The following ESS2 variants were observed in gnomAD, a reference collection of about 807,000 sequenced individuals.
ESS2 encodes the protein ess-2 spliceosome associated protein, also known as splicing factor ESS-2 homolog.
In ESS2, 31 loss-of-function variants were observed where a neutral mutation model predicts 52.0. The ratio of observed to expected loss-of-function variants is 0.60; its 90% CI spans 0.45 to 0.81. The LOEUF (loss-of-function observed/expected upper bound fraction) is 0.81, where lower values mean the gene tolerates loss of function less well. Ranked by LOEUF, ESS2 falls within the 30% of genes least tolerant of loss-of-function variation. The probability of loss-of-function intolerance (pLI) is 0.00; values close to 1 mark genes in which losing one functional copy is unlikely to be tolerated. For synonymous variants in ESS2, 285 were observed against 259.2 expected (o/e 1.10, Z -0.95); for missense variants, 602 against 637.2 (o/e 0.94, Z 0.59).
At position 19,131,489 on chromosome 22, in the gene ESS2, C is replaced by T; in HGVS notation, c.*2707G>A. ...CCTACGCAAAAGTCAAATCTGCCTA[C>T]TCTGAGCGCCTCAAGTTCAATGTGG... On this transcript the variant is annotated 3_prime_UTR_variant, in exon 10 of 10. Transcript: ENST00000252137. This position sits in a 1 kb window ranked among gnomAD's most constrained non-coding sequence, Gnocchi z 5.7. 2 of 1,614,176 alleles carry T rather than the reference C, an allele frequency of 1.2e-6. No homozygotes were observed. The highest frequency in any genetic ancestry group is 1.3e-5 in the African/African-American group (1 of 75,048).
chr22:19,130,373 T>A lies in ESS2; in HGVS notation c.*3823A>T. On this transcript the variant is annotated 3_prime_UTR_variant, in exon 10 of 10. Coordinates refer to ENST00000252137, the MANE Select transcript of ESS2 (RefSeq NM_022719.3). ...ACTCAAAGTGCTACAATTTTCTTAC[T>A]GTTTATATAGGTTGGGGTTATGTGC... 1 of 162,706 alleles carries A rather than the reference T, an allele frequency of 6.1e-6. No individual in the cohort carries two copies. Among genetic ancestry groups the A allele is most frequent in the Non-Finnish European group, 1.3e-5 (1 of 74,964 alleles). The allele number at this position is 162,706 out of a possible 1,614,324, so 10.1% of individuals were successfully genotyped here.
rs759289271 is a variant in ESS2 at position 19,142,592 on chromosome 22, C to G, written c.346G>C (p.Gly116Arg). 1 of 1,613,782 alleles carries G rather than the reference C, an allele frequency of 6.2e-7. No individual in the cohort carries two copies. The highest frequency in any genetic ancestry group is 8.5e-7 in the Non-Finnish European group (1 of 1,179,874). ...ATFETPEVHAGTGVVGNKPRP... is the reference protein window; with the variant it reads ...ATFETPEVHARTGVVGNKPRP... ...GGCTTGTTGCCCACCACTCCAGTGC[C>G]TGCATGCACCTCAGGGGTTTCAAAT... The change falls in exon 3 of 10, where the codon GGC (glycine) becomes CGC (arginine). Residue 116 changes from glycine (G) to arginine (R), a missense_variant. Coordinates refer to ENST00000252137, the MANE Select transcript of ESS2 (RefSeq NM_022719.3).
rs1601342558 is a variant in ESS2, at chr22:19,134,446, A to G, written c.1181T>C (p.Met394Thr). 6.3e-7 allele frequency: 1 copy of G among 1,585,764 alleles called. No individual in the cohort carries two copies. The highest frequency in any genetic ancestry group is 1.1e-5 in the South Asian group (1 of 88,478). Reference protein sequence around the residue: ...SLTPKGLSPAMSPALQRLVSR... With the variant: ...SLTPKGLSPATSPALQRLVSR... ...CACAAGGCGCTGTAGGGCTGGCGAC[A>G]TGGCTGGGCTCAGGCCTTTGGGGGT... Residue 394 changes from methionine (M) to threonine (T), a missense_variant, in exon 10 of 10, where the codon ATG becomes ACG. Met to Thr is a moderately conservative substitution (Grantham distance 81, BLOSUM62 -1). Coordinates refer to ENST00000252137, the MANE Select transcript of ESS2 (RefSeq NM_022719.3).
chr22:19,139,852 C>T lies in ESS2; in HGVS notation c.570+3G>A. On this transcript the variant is annotated splice_donor_region_variant and intron_variant, in intron 4 of 9. Transcript: ENST00000252137. ...TATGTGACACCCCAGACCCCAGAGA[C>T]ACCTTCTCAAACTCTTCCTCAGCCT... 1 of 1,614,138 alleles carries T rather than the reference C, an allele frequency of 6.2e-7. No individual in the cohort carries two copies. The highest frequency in any genetic ancestry group is 8.5e-7 in the Non-Finnish European group (1 of 1,179,994).
chr22:19,142,609 G>T lies in ESS2; in HGVS notation c.329C>A (p.Thr110Asn). ...TCCAGTGCCTGCATGCACCTCAGGGGTTTCAAATGTGGCTGGAGTCACATC... is the reference window on the plus strand; with the variant it reads ...TCCAGTGCCTGCATGCACCTCAGGGTTTTCAAATGTGGCTGGAGTCACATC... ...PPYVTPATFE[T>N]PEVHAGTGVV... The change falls in exon 3 of 10, where the codon ACC becomes AAC. Residue 110 changes from threonine to asparagine, a missense_variant. Coordinates refer to ENST00000252137, the MANE Select transcript of ESS2 (RefSeq NM_022719.3). 1 of 1,613,718 alleles carries T rather than the reference G, an allele frequency of 6.2e-7. No individual in the cohort carries two copies. The highest frequency in any genetic ancestry group is 1.1e-5 in the South Asian group (1 of 91,020).
In ESS2 at chr22:19,130,498, G is replaced by T; in HGVS notation, c.*3698C>A. On this transcript the variant is annotated 3_prime_UTR_variant, in exon 10 of 10. Coordinates refer to ENST00000252137, the MANE Select transcript of ESS2 (RefSeq NM_022719.3). ...AAATGCTTGCTAAGTCCGATTAAAA[G>T]GGGCCCAGTGCCTTCAAGGCCTGTC... is the stretch of plus-strand genomic sequence containing the variant. The T allele has an allele frequency of 2.9e-6, 1 of 340,806 alleles. No individual in the cohort carries two copies. The highest frequency in any genetic ancestry group is 5.5e-6 in the Non-Finnish European group (1 of 180,588). 21.1% of individuals were successfully genotyped at this position (340,806 alleles called of 1,614,324 possible).
chr22:19,134,198 A>G lies in ESS2; in HGVS notation c.1429T>C (p.Ter477GlnextTer73). Residue 477 changes from the stop codon to glutamine, a stop_lost, in exon 10 of 10, where the codon TAG (stop) becomes CAG (glutamine). Transcript: ENST00000252137. ...PARRKASDFF[*>Q] ...ATGAGCCCAGCCCAGGCCTGGCTCT[A>G]AAAGAAGTCCGAAGCTTTGCGCCGG... is the stretch of plus-strand genomic sequence containing the variant. The G allele has an allele frequency of 6.6e-7, 1 of 1,507,140 alleles. No homozygotes were observed. The highest frequency in any genetic ancestry group is 8.9e-7 in the Non-Finnish European group (1 of 1,126,414). 93.4% of individuals were successfully genotyped at this position (1,507,140 alleles called of 1,614,324 possible).
rs750098431 is a variant in ESS2 at position 19,132,437 on chromosome 22, T to A, written c.*1759A>T. 6 of 1,612,186 alleles carry A rather than the reference T, an allele frequency of 3.7e-6. No individual in the cohort carries two copies. Among genetic ancestry groups the A allele is most frequent in the Non-Finnish European group, 5.1e-6 (6 of 1,179,772 alleles). ...CCGAGACCTCCAGGGCCAAAGACCA[T>A]CACATCTCCGGAGCTGAGGTGGGGA... On this transcript the variant is annotated 3_prime_UTR_variant, in exon 10 of 10. Coordinates refer to ENST00000252137, the MANE Select transcript of ESS2 (RefSeq NM_022719.3). This position sits in a 1 kb window ranked among gnomAD's most constrained non-coding sequence, Gnocchi z 4.2.
At chr22:19,141,121 G>C (rs1345600714) in intron 3 of ESS2, among the ~76,000 whole-genome samples, 1 of 131,722 alleles carries the variant, frequency 7.6e-6, no homozygotes, top group African/African-American at 2.8e-5. Context: ...ATCTCTATAG[G>C]AAAAAAAAAA....
chr22:19,137,123 A>G (rs964327959), intron 8 of ESS2, among the ~76,000 whole-genome samples, 200 bp downstream of exon 8: 3 of 152,038 alleles, frequency 2.0e-5, no homozygotes, highest in Admixed American at 2.0e-4. Flanking sequence ...TTGGTGTCTC[A>G]GCCCTTACAC....
Position 19,134,394 on chromosome 22 carries a change from G to GT in ESS2, c.1232dup (p.Asp411GlufsTer148), listed in dbSNP as rs766455458. ...GTGTGTAGCTGGCCCGCAGGGCCCG[G>GT]TCTGTGTACTTGCTGGCCGTCCTGC... On this transcript the variant is annotated frameshift_variant, in exon 10 of 10. Transcript: ENST00000252137. LOFTEE classifies it high-confidence loss of function. The GT allele has an allele frequency of 5.6e-6, 9 of 1,611,472 alleles. No individual in the cohort carries two copies. In the Admixed American group the frequency reaches 1.5e-4, roughly 27 times the overall value.
rs769293786 is a variant in ESS2, at chr22:19,137,303, C to A, written c.1035+20G>T. Reference sequence around the variant, plus strand: ...GTGTCCACCCCGGTCGCACACAGTTCCCCCATCACCACAACCCACCTTAAA... The same window carrying A: ...GTGTCCACCCCGGTCGCACACAGTTACCCCATCACCACAACCCACCTTAAA... On this transcript the variant is annotated intron_variant, in intron 8 of 9. Transcript: ENST00000252137. 1.3e-6 allele frequency: 2 copies of A among 1,584,362 alleles called. No homozygotes were observed. The highest frequency in any genetic ancestry group is 1.7e-6 in the Non-Finnish European group (2 of 1,158,034).
rs887325998 is a variant in ESS2, at chr22:19,134,577, A to T, written c.1152-102T>A. 44 of 1,259,792 alleles carry T rather than the reference A, an allele frequency of 3.5e-5. No homozygotes were observed. The African/African-American group carries it at 6.5e-4, about 19-fold the overall frequency. The allele number at this position is 1,259,792 out of a possible 1,614,324, so 78.0% of individuals were successfully genotyped here. A position where few individuals can be genotyped will look rare whatever the true frequency, so the allele number is the denominator to read the frequency against. On this transcript the variant is annotated intron_variant, in intron 9 of 9. Transcript: ENST00000252137. ...CCAGGAAGAGCCTGGGCAGAGACACAGTCACTCTGAGCTGAGGAGGATGGT... is the reference window on the plus strand; with the variant it reads ...CCAGGAAGAGCCTGGGCAGAGACACTGTCACTCTGAGCTGAGGAGGATGGT...
At chr22:19,140,483 G>A (rs1244372070) in intron 3 of ESS2, among the ~76,000 whole-genome samples, 1 of 152,234 alleles carries the variant, frequency 6.6e-6, no homozygotes, top group East Asian at 1.9e-4. Flanking sequence ...ACTACAGGTG[G>A]GTGGTCATCG....
chr22:19,134,587 A>G, intron 9 of ESS2, 112 bp from the exon 10 acceptor site: 1 of 1,186,138 alleles, frequency 8.4e-7, no homozygotes, highest in Non-Finnish European at 1.1e-6. Flanking sequence ...AGTCACTCTG[A>G]GCTGAGGAGG....
intron 7 of ESS2, 44 bp downstream of exon 7, chr22:19,138,171 G>A (rs1294546750): frequency 1.9e-6 from 3 of 1,611,230 alleles, no homozygotes; most frequent in African/African-American, 2.7e-5. Context: ...CTCCCCCAGG[G>A]AGTCCCAGCA....
In ESS2 at chr22:19,144,632, C is replaced by T; in HGVS notation, c.9G>A (p.Thr3=). 6.6e-7 allele frequency: 1 copy of T among 1,522,898 alleles called. No homozygotes were observed. Among genetic ancestry groups the T allele is most frequent in the Non-Finnish European group, 8.8e-7 (1 of 1,129,960 alleles). The allele number at this position is 1,522,898 out of a possible 1,614,324, so 94.3% of individuals were successfully genotyped here. ME[T]PGASASSLLL... is the part of the protein sequence containing the mutation. ...ACAAGGACGACGCTGATGCGCCCGGCGTCTCCATCGCTATCCCAGGAAAAA... is the reference window on the plus strand; with the variant it reads ...ACAAGGACGACGCTGATGCGCCCGGTGTCTCCATCGCTATCCCAGGAAAAA... The change falls in exon 1 of 10, where the codon ACG becomes ACA. Residue 3 remains threonine, a synonymous_variant. Transcript: ENST00000252137.
intron 3 of ESS2, among the ~76,000 whole-genome samples, chr22:19,141,926 G>A (rs1010108589): frequency 2.0e-5 from 3 of 152,184 alleles, no homozygotes; most frequent in Non-Finnish European, 4.4e-5. Flanking sequence ...GGAGGTGGAG[G>A]TTGCAGTGAG....
At position 19,144,612 on chromosome 22, in the gene ESS2, G is replaced by A. The variant is rs370561261; in HGVS notation, c.29C>T (p.Ser10Phe). The change falls in exon 1 of 10, where the codon TCC becomes TTC. Residue 10 changes from serine to phenylalanine, a missense_variant. Physicochemically the swap from Ser to Phe is radical, Grantham distance 155. Transcript: ENST00000252137. METPGASASSLLLPAASRPP... is the reference protein window; with the variant it reads METPGASASFLLLPAASRPP... ...CCTGGACGCGGCGGGAAGCAACAAG[G>A]ACGACGCTGATGCGCCCGGCGTCTC... 6 of 1,576,854 alleles carry A rather than the reference G, an allele frequency of 3.8e-6. No individual in the cohort carries two copies. In the South Asian group the frequency reaches 6.8e-5, roughly 18 times the overall value.
Sources: gnomAD v4.1 joint callset for allele counts (sites outside exome capture counted in the v4.1 genomes callset) on GRCh38, gnomAD v4.1.1 for gene constraint, Gnocchi (gnomAD v3.1) non-coding constraint, MANE v1.5 for transcripts, NCBI Gene and HGNC (gene_info 2026-07-23, HGNC 2026-07-21) for gene names.